Variants in KAZN observed in about 807,000 individuals in gnomAD.
The protein encoded by KAZN is kazrin.
In KAZN, 40 loss-of-function variants were observed where a neutral mutation model predicts 87.4. The observed-to-expected ratio is 0.46, with a 90% CI of 0.36 to 0.60. KAZN has a LOEUF of 0.60. KAZN is among the 20% of genes least tolerant of loss of function. KAZN has a pLI of 0.00. For synonymous variants in KAZN, 466 were observed against 458.3 expected, an observed-to-expected ratio of 1.02 and a Z score of -0.22; for missense variants, 898 against 1,073.9, an observed-to-expected ratio of 0.84 and a Z score of 2.29.
At chr1:14,577,782 T>A (rs1675281849) in intron 2 of KAZN, among the ~76,000 whole-genome samples, 1 of 152,188 alleles carries the variant, frequency 6.6e-6, no homozygotes, top group South Asian at 2.1e-4. Context: ...CTTTTTCACA[T>A]CCAGCAACAC....
intron 2 of KAZN, among the ~76,000 whole-genome samples, chr1:14,992,201 G>A (rs920474605): frequency 5.9e-5 from 9 of 152,176 alleles, no homozygotes; most frequent in Non-Finnish European, 7.3e-5. Context: ...GTCCCTACCC[G>A]TGAGTGTGTG....
chr1:14,254,586 G>GAC (rs1038635389), intron 2 of KAZN, among the ~76,000 whole-genome samples: 9 of 152,090 alleles, frequency 5.9e-5, no homozygotes, highest in Non-Finnish European at 7.3e-5. Flanking sequence ...AATAAATTAT[G>GAC]ATGTCCGCCC....
intron 1 of KAZN, among the ~76,000 whole-genome samples, chr1:14,169,297 C>G (rs1306692800): frequency 6.6e-6 from 1 of 152,092 alleles, no homozygotes; most frequent in Non-Finnish European, 1.5e-5. Context: ...ATCTCCTCTT[C>G]TCTCCCCTCC....
intron 1 of KAZN, among the ~76,000 whole-genome samples, chr1:14,730,143 G>A (rs10927523): frequency 0.44 from 67,018 of 151,892 alleles, 15,029 homozygotes; most frequent in Non-Finnish European, 0.48. Context: ...GAGTGCAGTG[G>A]CGCGATCTCG....
chr1:14,114,173 A>G (rs1644559712), intron 1 of KAZN, among the ~76,000 whole-genome samples: 1 of 152,324 alleles, frequency 6.6e-6, no homozygotes, highest in Admixed American at 6.5e-5. Context: ...GGACCGATTC[A>G]GTGCCTGGTT....
At chr1:15,067,366 G>C (rs777424725) in intron 8 of KAZN, 30 of 985,372 alleles carry the variant, frequency 3.0e-5, no homozygotes, top group Admixed American at 6.1e-5. Flanking sequence ...CTGCCTATAT[G>C]GGGGGTGGCG....
intron 4 of KAZN, among the ~76,000 whole-genome samples, chr1:15,049,006 G>C (rs149312948): frequency 6.6e-6 from 1 of 151,362 alleles, no homozygotes; most frequent in Non-Finnish European, 1.5e-5. Context: ...GAAGCACCCC[G>C]TCTTCATGCG....
At chr1:14,237,496 G>A (rs1648534765) in intron 2 of KAZN, among the ~76,000 whole-genome samples, 1 of 152,070 alleles carries the variant, frequency 6.6e-6, no homozygotes, top group Non-Finnish European at 1.5e-5. Context: ...GAGAGTTTTA[G>A]TGTGCAGATA....
At chr1:14,507,865 G>A (rs1670670956) in intron 2 of KAZN, among the ~76,000 whole-genome samples, 1 of 152,020 alleles carries the variant, frequency 6.6e-6, no homozygotes. Context: ...TACTCGAGAG[G>A]CTGAGGTAGG....
At chr1:14,929,001 C>T (rs1302817764) in intron 1 of KAZN, among the ~76,000 whole-genome samples, 1 of 152,246 alleles carries the variant, frequency 6.6e-6, no homozygotes, top group South Asian at 2.1e-4. Flanking sequence ...TTGAATTTGT[C>T]AGCTCTGCTC....
Position 14,255,136 on chromosome 1 carries a change from A to AG in KAZN, c.249+74544_249+74545insG, listed in dbSNP as rs1650400796. Among the ~76,000 whole-genome samples the AG allele has an allele frequency of 9.5e-3, 1,119 of 118,284 alleles. 13 individuals are homozygous for AG. The highest frequency in any genetic ancestry group is 0.04 in the African/African-American group (1,020 of 25,378). 77.6% of individuals were successfully genotyped at this position (118,284 alleles called of 152,430 possible). On this transcript the variant is annotated intron_variant, in intron 2 of 16. Transcript: ENST00000636203. ...CTCTGTCTCAAAAAAAAAAAAAAAA[A>AG]AAAAGAAGAAGAAGAAGAAGAAAGG...
At chr1:14,564,702 A>T (rs937391031) in intron 2 of KAZN, among the ~76,000 whole-genome samples, 1 of 151,860 alleles carries the variant, frequency 6.6e-6, no homozygotes, top group African/African-American at 2.4e-5. Flanking sequence ...AATCCCAGCT[A>T]CTCAGGAGGC....
At chr1:13,976,026 G>A (rs1638342030) in intron 1 of KAZN, among the ~76,000 whole-genome samples, 1 of 152,100 alleles carries the variant, frequency 6.6e-6, no homozygotes, top group Non-Finnish European at 1.5e-5. Context: ...CAGATGCCTG[G>A]GTGATTTTTC....
chr1:14,644,525 C>A (rs944599289), intron 1 of KAZN, among the ~76,000 whole-genome samples: 1 of 151,760 alleles, frequency 6.6e-6, no homozygotes, highest in African/African-American at 2.4e-5. Context: ...CCACACCCAG[C>A]TAATTTTTTG....
intron 1 of KAZN, among the ~76,000 whole-genome samples, chr1:14,788,236 C>T (rs755640826): frequency 7.2e-5 from 11 of 152,184 alleles, no homozygotes; most frequent in Non-Finnish European, 1.6e-4. Context: ...CAGGGATAGG[C>T]GAGTACTGGC....
chr1:13,958,298 C>CAT (rs1557745986), intron 1 of KAZN, among the ~76,000 whole-genome samples: 3 of 152,074 alleles, frequency 2.0e-5, no homozygotes, highest in Non-Finnish European at 4.4e-5. Context: ...TGGCTGGGTG[C>CAT]GGTGGCTCAC....
chr1:14,498,082 T>C (rs1025776779), intron 2 of KAZN, among the ~76,000 whole-genome samples: 2 of 152,198 alleles, frequency 1.3e-5, no homozygotes, highest in African/African-American at 4.8e-5. Context: ...AGTTCAAGGC[T>C]CTTACTTTGG....
chr1:14,473,388 G>C (rs1437699612), intron 2 of KAZN, among the ~76,000 whole-genome samples: 2 of 152,116 alleles, frequency 1.3e-5, no homozygotes, highest in Non-Finnish European at 2.9e-5. Context: ...CAACACTTTG[G>C]GAGGCCGAGG....
At chr1:14,458,800 A>C (rs1362658257) in intron 2 of KAZN, among the ~76,000 whole-genome samples, 1 of 152,226 alleles carries the variant, frequency 6.6e-6, no homozygotes, top group Non-Finnish European at 1.5e-5. Flanking sequence ...ATATTTTAGC[A>C]CAACGGGTGC....
Sources: gnomAD v4.1 joint callset for allele counts (sites outside exome capture counted in the v4.1 genomes callset) on GRCh38, gnomAD v4.1.1 for gene constraint, MANE v1.5 for transcripts, NCBI Gene and HGNC (gene_info 2026-07-23, HGNC 2026-07-21) for gene names.